Variants in CCDC14 observed in about 807,000 individuals in gnomAD.
The protein encoded by CCDC14 is coiled-coil domain containing 14.
CCDC14 carries 71 observed loss-of-function variants against 81.4 expected under a neutral mutation model. The observed-to-expected ratio is 0.87, with a 90% CI of 0.72 to 1.06. CCDC14 has a LOEUF of 1.06. CCDC14 is among the 50% of genes least tolerant of loss of function. CCDC14 has a pLI of 0.00. For synonymous variants in CCDC14, 332 were observed against 364.8 expected (o/e 0.91, Z 1.03); for missense variants, 1,046 against 1,047.3 (o/e 1.00, Z 0.02).
the CCDC14 span, among the ~76,000 whole-genome samples, chr3:123,887,232 C>T: frequency 6.6e-6 from 1 of 152,046 alleles, no homozygotes; most frequent in African/African-American, 2.4e-5. Context: ...AATTCTAATC[C>T]TAATTAAAGT....
downstream of CCDC14, among the ~76,000 whole-genome samples, chr3:123,910,665 T>G (rs1193407792): frequency 3.9e-5 from 6 of 152,040 alleles, no homozygotes; most frequent in Non-Finnish European, 7.3e-5. Context: ...TAAGTGAATT[T>G]GGTTTCAGAA....
rs2035691235 is a variant in CCDC14, at chr3:123,931,309, A to G, written c.1644T>C (p.Ile548=). The G allele has an allele frequency of 6.5e-7, 1 of 1,544,514 alleles. No homozygotes were observed. Among genetic ancestry groups the G allele is most frequent in the Admixed American group, 2.0e-5 (1 of 50,856 alleles). Residue 548 remains isoleucine, a splice_region_variant and synonymous_variant, in exon 11 of 13, where the codon ATT becomes ATC. Transcript: ENST00000409697. ...CATAACTACTGTCTAAATACGTACC[A>G]ATTTTTATTCTTGTTATCTCAATAT... ...QYDIEITRIK[I]ELEEALVNVK...
Position 123,915,192 on chromosome 3 carries a change from C to A in CCDC14, c.2305G>T (p.Ala769Ser). The A allele has an allele frequency of 6.2e-7, 1 of 1,613,716 alleles. No individual in the cohort carries two copies. Among genetic ancestry groups the A allele is most frequent in the South Asian group, 1.1e-5 (1 of 91,056 alleles). The change falls in exon 13 of 13, where the codon GCT (alanine) becomes TCT (serine). Residue 769 changes from alanine (A) to serine (S), a missense_variant. Coordinates refer to ENST00000409697, the MANE Select transcript of CCDC14 (RefSeq NM_001366335.1). ...AGTTTATTTTCTTTTCCAGAGACAGCAAGTCCGCTGTTGCTGACTAGCTGT... is the reference window on the plus strand; with the variant it reads ...AGTTTATTTTCTTTTCCAGAGACAGAAAGTCCGCTGTTGCTGACTAGCTGT... ...TTQLVSNSGL[A>S]VSGKENKLCT...
In CCDC14 at chr3:123,915,382, A is replaced by G. The variant is rs2034609722; in HGVS notation, c.2115T>C (p.Leu705=). The G allele has an allele frequency of 6.2e-7, 1 of 1,613,634 alleles. No individual in the cohort carries two copies. Among genetic ancestry groups the G allele is most frequent in the African/African-American group, 1.3e-5 (1 of 74,996 alleles). The change falls in exon 13 of 13, where the codon CTT becomes CTC. Residue 705 remains leucine, a synonymous_variant. Coordinates refer to ENST00000409697, the MANE Select transcript of CCDC14 (RefSeq NM_001366335.1). ...EASAPGIISA[L]SKQDSDEGSE... ...TCCCTTCATCAGAATCCTGTTTTGA[A>G]AGGGCAGAAATAATTCCAGGTGCAG...
intron 12 of CCDC14, among the ~76,000 whole-genome samples, chr3:123,918,140 A>G (rs2034818331): frequency 6.6e-6 from 1 of 152,196 alleles, no homozygotes; most frequent in Non-Finnish European, 1.5e-5. Context: ...AAAATGCTAA[A>G]AAGAAATCTC....
chr3:123,902,578 G>A (rs1276028998), intron 5 of CCDC14, among the ~76,000 whole-genome samples: 2 of 152,150 alleles, frequency 1.3e-5, no homozygotes, highest in Non-Finnish European at 2.9e-5. Context: ...TTCAGACTGT[G>A]GGAAGCTTTA....
chr3:123,927,063 T>C (rs1207718547), intron 12 of CCDC14, among the ~76,000 whole-genome samples: 1 of 152,002 alleles, frequency 6.6e-6, no homozygotes, highest in Non-Finnish European at 1.5e-5. Context: ...AAATCAACAA[T>C]GTGGATGAAT....
At position 123,914,954 on chromosome 3, in the gene CCDC14, T is replaced by C. The variant is rs767675991; in HGVS notation, c.2543A>G (p.Asn848Ser). The stretch of plus-strand genomic sequence containing the variant: ...GAAAACACTACCATCACAGACAGTA[T>C]TGCCTTTCACTTGAAGGCTGTTGCT... ...CLSNSLQVKGNTVCDGSVFTS... is the reference protein window; with the variant it reads ...CLSNSLQVKGSTVCDGSVFTS... The change falls in exon 13 of 13, where the codon AAT (asparagine) becomes AGT (serine). Residue 848 changes from asparagine to serine, a missense_variant. Transcript: ENST00000409697. 6 of 1,613,920 alleles carry C rather than the reference T, an allele frequency of 3.7e-6. No homozygotes were observed. The highest frequency in any genetic ancestry group is 3.3e-5 in the Admixed American group (2 of 60,008).
At chr3:123,919,188 C>T (rs2034895054) in intron 12 of CCDC14, among the ~76,000 whole-genome samples, 1 of 152,058 alleles carries the variant, frequency 6.6e-6, no homozygotes, top group South Asian at 2.1e-4. Flanking sequence ...CCCTACCTAA[C>T]TTCACAGCTG....
Position 123,945,006 on chromosome 3 carries a change from GA to G in CCDC14, c.1202-17del. 1 of 1,545,380 alleles carries G rather than the reference GA, an allele frequency of 6.5e-7. No homozygotes were observed. Among genetic ancestry groups the G allele is most frequent in the East Asian group, 2.3e-5 (1 of 43,722 alleles). ...TCTGAATCCTCTATAGAAGGCAACA[GA>G]AATGAGTAAAATCAATATTATATTT... On this transcript the variant is annotated splice_polypyrimidine_tract_variant and intron_variant, in intron 8 of 12. Coordinates refer to ENST00000409697, the MANE Select transcript of CCDC14 (RefSeq NM_001366335.1).
Position 123,933,718 on chromosome 3 carries a change from G to C in CCDC14, c.1381C>G (p.Gln461Glu), listed in dbSNP as rs2035884128. The change falls in exon 10 of 13, where the codon CAG becomes GAG. Residue 461 changes from glutamine (Q) to glutamate (E), a missense_variant. Coordinates refer to ENST00000409697, the MANE Select transcript of CCDC14 (RefSeq NM_001366335.1). ...RILNQQLREQ[Q>E]KTQKPSGAVD... ...GCACCAGATGGTTTTTGAGTTTTCT[G>C]TTGTTCTCTGAGTTGCTGGTTCAAA... The C allele has an allele frequency of 1.3e-6, 2 of 1,574,170 alleles. No individual in the cohort carries two copies. Among genetic ancestry groups the C allele is most frequent in the African/African-American group, 2.7e-5 (2 of 74,416 alleles).
chr3:123,893,093 C>T (rs910638444), downstream of CCDC14, among the ~76,000 whole-genome samples: 4 of 152,190 alleles, frequency 2.6e-5, no homozygotes, highest in Non-Finnish European at 4.4e-5. Flanking sequence ...CATGAGCCAC[C>T]GTGCCCTGCC....
chr3:123,940,687 A>T (rs1215797884), intron 9 of CCDC14, among the ~76,000 whole-genome samples: 1 of 152,038 alleles, frequency 6.6e-6, no homozygotes, highest in Non-Finnish European at 1.5e-5. Flanking sequence ...ATATGCTGGT[A>T]ACAGATCACT....
the CCDC14 span, among the ~76,000 whole-genome samples, chr3:123,888,615 G>A: frequency 1.5e-4 from 23 of 152,186 alleles, no homozygotes; most frequent in African/African-American, 5.5e-4. Flanking sequence ...GGATGACTAG[G>A]GAGCCTCAGG....
In CCDC14 at chr3:123,939,452, T is replaced by TC. The variant is rs1187385224; in HGVS notation, c.1343+5396_1343+5397insG. Among the ~76,000 whole-genome samples, 3 of 151,182 alleles carry TC rather than the reference T, an allele frequency of 2.0e-5. No individual in the cohort carries two copies. In the East Asian group the frequency reaches 5.8e-4, roughly 29 times the overall value. ...TCATCTGCTGACACAGATCTTTTTT[T>TC]TTTTTTTTTTTAGAGATAGGGTCTT... On this transcript the variant is annotated intron_variant, in intron 9 of 12. Transcript: ENST00000409697.
In CCDC14 at chr3:123,952,895, C is replaced by CCA. The variant is rs139126335; in HGVS notation, c.352+2946_352+2947dup. The CCA allele has an allele frequency of 3.9e-3, 818 of 208,242 alleles. 7 individuals carry two copies. The highest frequency in any genetic ancestry group is 0.013 in the African/African-American group (586 of 43,908). The allele number at this position is 208,242 out of a possible 1,614,324, so 12.9% of individuals were successfully genotyped here. On this transcript the variant is annotated intron_variant, in intron 5 of 12. Coordinates refer to ENST00000409697, the MANE Select transcript of CCDC14 (RefSeq NM_001366335.1). Reference sequence around the variant, plus strand: ...TGTATTATTGGTTAACAGCTGCCAACCACACACACACACAACTAGAAACTA... The same window carrying CCA: ...TGTATTATTGGTTAACAGCTGCCAACCACACACACACACACAACTAGAAACTA...
chr3:123,956,560 AAGATC>A (rs2037338788), intron 2 of CCDC14, 133 bp from the exon 3 acceptor site: 1 of 753,438 alleles, frequency 1.3e-6, no homozygotes. Context: ...ACACATTCTG[AAGATC>A]AGAAAGACTG....
downstream of CCDC14, among the ~76,000 whole-genome samples, chr3:123,895,304 A>AAAAT (rs1395709304): frequency 9.9e-5 from 15 of 152,128 alleles, no homozygotes; most frequent in African/African-American, 3.4e-4. Context: ...TCCTTGTTTA[A>AAAAT]AAATAAATAA....
intron 8 of CCDC14, 123 bp downstream of exon 8, chr3:123,946,680 C>A: frequency 1.0e-6 from 1 of 962,458 alleles, no homozygotes; most frequent in Non-Finnish European, 1.6e-6. Context: ...AACTCATTTT[C>A]TTATTAGCTC....
Sources: gnomAD v4.1 joint callset for allele counts (sites outside exome capture counted in the v4.1 genomes callset) on GRCh38, gnomAD v4.1.1 for gene constraint, MANE v1.5 for transcripts, NCBI Gene and HGNC (gene_info 2026-07-23, HGNC 2026-07-21) for gene names.